Variants in ITFG1 observed in about 807,000 individuals in gnomAD.
ITFG1 encodes the protein T-cell immunomodulatory protein.
A neutral mutation model predicts 81.8 loss-of-function variants in ITFG1; 34 were observed. That is an observed-to-expected ratio of 0.42 (90% confidence interval 0.32 to 0.55). The LOEUF is 0.55. Ranked by LOEUF, ITFG1 falls within the 20% of genes least tolerant of loss-of-function variation. The probability of loss-of-function intolerance (pLI) is 0.17; values close to 1 mark genes in which losing one functional copy is unlikely to be tolerated. For synonymous variants in ITFG1, 285 were observed against 270.6 expected, an observed-to-expected ratio of 1.05 and a Z score of -0.52; for missense variants, 672 against 755.4, an observed-to-expected ratio of 0.89 and a Z score of 1.29.
chr16:47,311,789 A>G (rs1967267068), intron 9 of ITFG1: 1 of 162,324 alleles, frequency 6.2e-6, no homozygotes, highest in Non-Finnish European at 1.3e-5. Flanking sequence ...GCAAGCTGTA[A>G]TATCATCTAA....
At chr16:47,422,403 T>G (rs755373512) in intron 6 of ITFG1, among the ~76,000 whole-genome samples, 1 of 152,228 alleles carries the variant, frequency 6.6e-6, no homozygotes, top group Non-Finnish European at 1.5e-5. Context: ...CAGTATTTTA[T>G]TGAGGATTTT....
At chr16:47,206,674 T>C (rs1396664924) in intron 14 of ITFG1, among the ~76,000 whole-genome samples, 1 of 152,222 alleles carries the variant, frequency 6.6e-6, no homozygotes, top group Non-Finnish European at 1.5e-5. Context: ...GTATTCAAGG[T>C]TCTTCCTCAG....
intron 14 of ITFG1, among the ~76,000 whole-genome samples, chr16:47,215,627 C>T (rs1324573995): frequency 3.3e-5 from 5 of 152,046 alleles, no homozygotes; most frequent in African/African-American, 1.2e-4. Flanking sequence ...ACATTTTATG[C>T]GTCATTTTGT....
At chr16:47,181,564 G>GC (rs1298171452) in intron 14 of ITFG1, among the ~76,000 whole-genome samples, 8 of 135,322 alleles carry the variant, frequency 5.9e-5, no homozygotes, top group Admixed American at 2.9e-4. Flanking sequence ...GGGGGGGTCA[G>GC]CCCCCCCGCC....
chr16:47,304,004 T>G (rs566078570), intron 10 of ITFG1, among the ~76,000 whole-genome samples: 1 of 152,078 alleles, frequency 6.6e-6, no homozygotes, highest in Non-Finnish European at 1.5e-5. Context: ...ACTAAGTCAC[T>G]GGGATTTGGA....
At chr16:47,187,562 TA>T (rs1965237651) in intron 14 of ITFG1, among the ~76,000 whole-genome samples, 1 of 152,160 alleles carries the variant, frequency 6.6e-6, no homozygotes, top group African/African-American at 2.4e-5. Flanking sequence ...TAGCCATATT[TA>T]GAAAGCTGAA....
chr16:47,267,121 T>A (rs1966286261), intron 10 of ITFG1, among the ~76,000 whole-genome samples: 4 of 152,226 alleles, frequency 2.6e-5, no homozygotes. Context: ...GTGATGGTTA[T>A]ATAACTCTAT....
At chr16:47,371,913 C>CTT (rs367779096) in intron 7 of ITFG1, among the ~76,000 whole-genome samples, 8 of 143,198 alleles carry the variant, frequency 5.6e-5, no homozygotes, top group South Asian at 2.2e-4. Flanking sequence ...GCCACTCTCT[C>CTT]TTTTTTTTTT....
chr16:47,351,638 C>T (rs775591680), intron 8 of ITFG1, among the ~76,000 whole-genome samples: 27 of 152,044 alleles, frequency 1.8e-4, no homozygotes, highest in East Asian at 9.6e-4. Flanking sequence ...CATTCTGCCC[C>T]GGGCAATTTA....
intron 6 of ITFG1, among the ~76,000 whole-genome samples, chr16:47,397,598 T>C (rs1466595658): frequency 6.6e-6 from 1 of 152,202 alleles, no homozygotes; most frequent in Non-Finnish European, 1.5e-5. Context: ...GGTATTCAGA[T>C]AGTAGAAGCC....
At chr16:47,445,146 T>C (rs1323920195) in intron 5 of ITFG1, among the ~76,000 whole-genome samples, 1 of 149,378 alleles carries the variant, frequency 6.7e-6, no homozygotes, top group Non-Finnish European at 1.5e-5. Flanking sequence ...GGAAGTTCTA[T>C]TAGTTTGAGA....
At chr16:47,436,762 G>C (rs571180032) in intron 5 of ITFG1, among the ~76,000 whole-genome samples, 42 of 152,122 alleles carry the variant, frequency 2.8e-4, no homozygotes, top group Non-Finnish European at 5.1e-4. Flanking sequence ...CTATCCATTA[G>C]GTCTTCTTCC....
Position 47,191,584 on chromosome 16 carries a change from C to T in ITFG1, c.1453+27284G>A, listed in dbSNP as rs114193170. Among the ~76,000 whole-genome samples the T allele has an allele frequency of 3.0e-3, 464 of 152,308 alleles. 2 individuals carry two copies. Among genetic ancestry groups the T allele is most frequent in the African/African-American group, 0.011 (442 of 41,558 alleles). ...TCTTAGCATATTAATCACAGGCTCACTGCAACCTCCAACTCCTGGGTTCAA... is the reference window on the plus strand; with the variant it reads ...TCTTAGCATATTAATCACAGGCTCATTGCAACCTCCAACTCCTGGGTTCAA... On this transcript the variant is annotated intron_variant, in intron 14 of 17. Coordinates refer to ENST00000320640, the MANE Select transcript of ITFG1 (RefSeq NM_030790.5).
Position 47,281,797 on chromosome 16 carries a change from C to A in ITFG1, c.1071-21102G>T, listed in dbSNP as rs561571890. On this transcript the variant is annotated intron_variant, in intron 10 of 17. Coordinates refer to ENST00000320640, the MANE Select transcript of ITFG1 (RefSeq NM_030790.5). ...TTTGTCAGTCTTGTTAGAGGTTTAA[C>A]GATTTTGTTGATATTTTCCAAAAAC... is the stretch of plus-strand genomic sequence containing the variant. Among the ~76,000 whole-genome samples the A allele has an allele frequency of 7.7e-4, 117 of 151,852 alleles. 3 individuals carry two copies. In the South Asian group the frequency reaches 0.024, roughly 31 times the overall value.
At chr16:47,268,609 C>A (rs1183563862) in intron 10 of ITFG1, among the ~76,000 whole-genome samples, 3 of 152,148 alleles carry the variant, frequency 2.0e-5, no homozygotes, top group Non-Finnish European at 4.4e-5. Flanking sequence ...AAATTCTAGC[C>A]AATCAAATTC....
At chr16:47,187,395 T>A (rs1043808459) in intron 14 of ITFG1, among the ~76,000 whole-genome samples, 4 of 151,798 alleles carry the variant, frequency 2.6e-5, no homozygotes, top group Non-Finnish European at 4.4e-5. Context: ...AACAGCATGG[T>A]ACTGGTACCA....
chr16:47,405,917 G>A (rs1049742914), intron 6 of ITFG1, among the ~76,000 whole-genome samples: 8 of 152,180 alleles, frequency 5.3e-5, no homozygotes, highest in Admixed American at 3.9e-4. Flanking sequence ...TAAGCAAGAT[G>A]TAATATAGCT....
At chr16:47,362,355 A>G (rs946909472) in intron 8 of ITFG1, among the ~76,000 whole-genome samples, 5 of 152,188 alleles carry the variant, frequency 3.3e-5, no homozygotes, top group African/African-American at 1.2e-4. Context: ...TGCATGCTCA[A>G]GAAGCATTAC....
At chr16:47,199,180 T>C (rs759801281) in intron 14 of ITFG1, among the ~76,000 whole-genome samples, 18 of 151,968 alleles carry the variant, frequency 1.2e-4, no homozygotes, top group Non-Finnish European at 1.9e-4. Flanking sequence ...GGCAGGAGAA[T>C]TGCTTGAACC....
Sources: allele counts gnomAD v4.1 joint callset (sites outside exome capture counted in the v4.1 genomes callset), GRCh38; gene constraint gnomAD v4.1.1; transcripts MANE v1.5; gene names NCBI Gene and HGNC (gene_info 2026-07-23, HGNC 2026-07-21).